SGCD: variants seen among roughly 807,000 people sequenced by gnomAD.
SGCD encodes the protein sarcoglycan delta.
A neutral mutation model predicts 36.6 loss-of-function variants in SGCD; 18 were observed. The observed-to-expected ratio is 0.49, with a 90% confidence interval of 0.34 to 0.73. The LOEUF is 0.73. Among genes scored for constraint, SGCD ranks in the 30% least tolerant of loss-of-function variants. The pLI is 0.01. For missense variants in SGCD, 387 were observed against 346.7 expected, an observed-to-expected ratio of 1.12 and a Z score of -0.92; for synonymous variants, 133 against 130.6, an observed-to-expected ratio of 1.02 and a Z score of -0.12.
At chr5:155,941,507 T>C (rs1042484805) in intron 1 of SGCD, among the ~76,000 whole-genome samples, 1 of 151,082 alleles carries the variant, frequency 6.6e-6, no homozygotes, top group African/African-American at 2.4e-5. Flanking sequence ...ATATTGATAT[T>C]AAATAATTAT....
intron 1 of SGCD, among the ~76,000 whole-genome samples, chr5:156,003,718 C>T (rs950860183): frequency 2.0e-5 from 3 of 152,148 alleles, no homozygotes; most frequent in African/African-American, 7.2e-5. Context: ...ATCTAAATTT[C>T]ATTTTGAAAT....
chr5:156,762,719 C>T lies in SGCD; in HGVS notation c.*3329C>T, dbSNP rs1757520192. ...TTACATGTTTTCTGATTTTACACTA[C>T]AGCAGCAGGATGGAGTAGTTGTGTC... On this transcript the variant is annotated 3_prime_UTR_variant, in exon 9 of 9. Transcript: ENST00000337851. The T allele has an allele frequency of 6.6e-6, 1 of 152,602 alleles. No homozygotes were observed. Among genetic ancestry groups the T allele is most frequent in the Non-Finnish European group, 1.5e-5 (1 of 68,032 alleles). 9.5% of individuals were successfully genotyped at this position (152,602 alleles called of 1,614,324 possible).
At chr5:156,734,001 GC>G (rs1756218578) in intron 7 of SGCD, among the ~76,000 whole-genome samples, 1 of 152,028 alleles carries the variant, frequency 6.6e-6, no homozygotes, top group South Asian at 2.1e-4. Context: ...TTATGTGGTT[GC>G]TTTATATTGT....
At chr5:156,336,736 G>A (rs973256582) in intron 2 of SGCD, among the ~76,000 whole-genome samples, 3 of 152,214 alleles carry the variant, frequency 2.0e-5, no homozygotes, top group African/African-American at 7.2e-5. Flanking sequence ...AACACTGGTT[G>A]CCTCAGTGTG....
At chr5:156,157,417 A>C (rs1457483364) in intron 3 of SGCD, among the ~76,000 whole-genome samples, 3 of 151,746 alleles carry the variant, frequency 2.0e-5, no homozygotes, top group Non-Finnish European at 4.4e-5. Flanking sequence ...GCTGGTCCCC[A>C]GCCTGTTGCT....
chr5:156,618,642 C>T (rs1762110113), intron 6 of SGCD, among the ~76,000 whole-genome samples: 1 of 150,020 alleles, frequency 6.7e-6, no homozygotes, highest in South Asian at 2.1e-4. Context: ...GGTGATTTCA[C>T]TGCCTAGTAG....
intron 1 of SGCD, among the ~76,000 whole-genome samples, chr5:156,068,105 T>A (rs1204191092): frequency 6.8e-6 from 1 of 147,600 alleles, no homozygotes; most frequent in Non-Finnish European, 1.5e-5. Flanking sequence ...TATATTTTTA[T>A]TTTTATTTTA....
chr5:156,194,964 T>C (rs1351244978), intron 3 of SGCD, among the ~76,000 whole-genome samples: 1 of 152,092 alleles, frequency 6.6e-6, no homozygotes, highest in Non-Finnish European at 1.5e-5. Flanking sequence ...GCATTGGTGA[T>C]GATGATGATG....
intron 3 of SGCD, among the ~76,000 whole-genome samples, chr5:156,321,679 G>A (rs898594186): frequency 1.3e-5 from 2 of 152,148 alleles, no homozygotes; most frequent in Non-Finnish European, 2.9e-5. Flanking sequence ...TGGTCACATG[G>A]ATGAGCATGT....
intron 7 of SGCD, among the ~76,000 whole-genome samples, chr5:156,720,357 C>T (rs1755437052): frequency 6.6e-6 from 1 of 152,150 alleles, no homozygotes; most frequent in South Asian, 2.1e-4. Context: ...TCAGGAACGA[C>T]CTTTCTAATC....
At chr5:156,394,383 T>C (rs937531839) in intron 3 of SGCD, among the ~76,000 whole-genome samples, 1 of 152,192 alleles carries the variant, frequency 6.6e-6, no homozygotes, top group African/African-American at 2.4e-5. Flanking sequence ...AGGATTAATA[T>C]ATCAGAAAAT....
At chr5:156,050,905 T>C (rs1346078611) in intron 1 of SGCD, among the ~76,000 whole-genome samples, 2 of 146,454 alleles carry the variant, frequency 1.4e-5, no homozygotes, top group Non-Finnish European at 3.1e-5. Flanking sequence ...CCAACATGGA[T>C]AATCCAGGCT....
chr5:156,169,531 A>G (rs1763294465), intron 3 of SGCD, among the ~76,000 whole-genome samples: 1 of 152,152 alleles, frequency 6.6e-6, no homozygotes, highest in African/African-American at 2.4e-5. Flanking sequence ...ATCTCCTTTA[A>G]TGGTATTGAT....
intron 3 of SGCD, among the ~76,000 whole-genome samples, chr5:156,288,263 T>A (rs960138218): frequency 2.0e-5 from 3 of 152,146 alleles, no homozygotes; most frequent in Non-Finnish European, 4.4e-5. Context: ...AATCAATAGT[T>A]CTGAGGCCAT....
At chr5:156,369,130 G>C (rs536838367) in intron 3 of SGCD, among the ~76,000 whole-genome samples, 3 of 152,240 alleles carry the variant, frequency 2.0e-5, no homozygotes, top group African/African-American at 7.2e-5. Flanking sequence ...TAATAGAAAA[G>C]GTAACATAAC....
chr5:155,737,699 C>A, the SGCD span, among the ~76,000 whole-genome samples: 2 of 151,094 alleles, frequency 1.3e-5, no homozygotes, highest in African/African-American at 4.9e-5. Context: ...TCATGACACC[C>A]ACTCATGCCT....
chr5:156,444,117 C>CCCCT (rs1753647639), intron 3 of SGCD, among the ~76,000 whole-genome samples: 1 of 41,456 alleles, frequency 2.4e-5, no homozygotes, highest in South Asian at 9.0e-4. Flanking sequence ...TCTCTCTCTC[C>CCCCT]CCTTCCCTCT....
At chr5:156,624,353 G>A (rs1762363932) in intron 6 of SGCD, among the ~76,000 whole-genome samples, 1 of 152,130 alleles carries the variant, frequency 6.6e-6, no homozygotes, top group Non-Finnish European at 1.5e-5. Context: ...AGGCCAAGGC[G>A]GGTGGATCAC....
the SGCD span, among the ~76,000 whole-genome samples, chr5:155,734,365 T>C: frequency 2.0e-5 from 3 of 151,800 alleles, no homozygotes; most frequent in African/African-American, 7.3e-5. Context: ...CCACCACGAC[T>C]AGCTAGCTAA....
Sources: allele counts gnomAD v4.1 joint callset (sites outside exome capture counted in the v4.1 genomes callset), GRCh38; gene constraint gnomAD v4.1.1; transcripts MANE v1.5; gene names NCBI Gene and HGNC (gene_info 2026-07-23, HGNC 2026-07-21).